CR1L: variants seen among roughly 807,000 people sequenced by gnomAD.
The protein encoded by CR1L is complement component receptor 1-like protein.
CR1L carries 59 observed loss-of-function variants against 62.3 expected under a neutral mutation model. That is an observed-to-expected ratio of 0.95 (90% CI 0.77 to 1.18). The LOEUF (loss-of-function observed/expected upper bound fraction) is 1.18. Among genes scored for constraint, CR1L ranks in the 50% most tolerant of loss-of-function variants. The pLI, the probability that CR1L is intolerant of heterozygous loss-of-function variation, is 0.00. For missense variants in CR1L, 700 were observed against 702.8 expected (o/e 1.00, Z 0.04); for synonymous variants, 279 against 248.7 (o/e 1.12, Z -1.15).
chr1:207,710,868 G>C, intron 10 of CR1L: 1 of 1,318,524 alleles, frequency 7.6e-7, no homozygotes, highest in Non-Finnish European at 1.1e-6. Context: ...TTTAGGGGGA[G>C]GGATGTATGT....
intron 1 of CR1L, among the ~76,000 whole-genome samples, chr1:207,675,209 G>A (rs1042955548): frequency 1.3e-5 from 2 of 152,078 alleles, no homozygotes; most frequent in African/African-American, 2.4e-5. Context: ...AAATTAAAAA[G>A]CACAAATTGC....
At chr1:207,720,898 C>T (rs1654121171) in intron 11 of CR1L, among the ~76,000 whole-genome samples, 1 of 152,214 alleles carries the variant, frequency 6.6e-6, no homozygotes, top group Non-Finnish European at 1.5e-5. Context: ...CAACTGCTTT[C>T]CTAGAGCCTA....
At chr1:207,710,458 A>C (rs1480528219) in intron 10 of CR1L, 1 of 1,592,818 alleles carries the variant, frequency 6.3e-7, no homozygotes, top group African/African-American at 1.3e-5. Context: ...TTCACTATGG[A>C]TCAGTGGTGA....
chr1:207,645,782 G>T (rs1022619773), intron 1 of CR1L, among the ~76,000 whole-genome samples: 6 of 152,182 alleles, frequency 3.9e-5, no homozygotes, highest in African/African-American at 1.4e-4. Flanking sequence ...GGCTTGGACA[G>T]TACCCGCGGT....
chr1:207,666,588 A>G (rs1663527114), intron 1 of CR1L, among the ~76,000 whole-genome samples: 1 of 152,210 alleles, frequency 6.6e-6, no homozygotes, highest in African/African-American at 2.4e-5. Context: ...ATCCATTGCA[A>G]ACTAACGCAG....
intron 9 of CR1L, 92 bp downstream of exon 9, chr1:207,701,710 C>T: frequency 6.5e-7 from 1 of 1,530,346 alleles, no homozygotes. Flanking sequence ...AGGCTGTTGC[C>T]ACCTGCTCTT....
chr1:207,689,153 CCTTTA>C (rs1210046096), intron 4 of CR1L, among the ~76,000 whole-genome samples: 1 of 152,002 alleles, frequency 6.6e-6, no homozygotes, highest in African/African-American at 2.4e-5. Context: ...AGGAAACTCC[CCTTTA>C]CTTCTGATTG....
chr1:207,652,750 C>CTTTTTTTTTTTTTT (rs59228006), intron 1 of CR1L: 1 of 626,714 alleles, frequency 1.6e-6, no homozygotes, highest in Non-Finnish European at 2.9e-6. Flanking sequence ...ATAAACTAGC[C>CTTTTTTTTTTTTTT]TTTTTTTTTT....
intron 1 of CR1L, among the ~76,000 whole-genome samples, chr1:207,666,504 T>C (rs1018826875): frequency 1.3e-5 from 2 of 152,172 alleles, no homozygotes; most frequent in Non-Finnish European, 2.9e-5. Context: ...ATATCCACCA[T>C]GGAATACTAT....
intron 9 of CR1L, among the ~76,000 whole-genome samples, chr1:207,704,618 A>G (rs1664242984): frequency 6.6e-6 from 1 of 152,244 alleles, no homozygotes; most frequent in African/African-American, 2.4e-5. Context: ...GCTTTCAGCA[A>G]CCACCACCCT....
intron 11 of CR1L, among the ~76,000 whole-genome samples, chr1:207,717,933 G>A (rs1654042735): frequency 6.6e-6 from 1 of 152,176 alleles, no homozygotes; most frequent in South Asian, 2.1e-4. Context: ...AGGGTGGACA[G>A]TGAAGAGAAT....
chr1:207,716,759 A>G (rs1198234252), intron 10 of CR1L, among the ~76,000 whole-genome samples: 1 of 152,244 alleles, frequency 6.6e-6, no homozygotes, highest in African/African-American at 2.4e-5. Context: ...TAAGTCTTTT[A>G]TGTACACATA....
chr1:207,652,643 A>G, intron 1 of CR1L: 1 of 1,196,630 alleles, frequency 8.4e-7, no homozygotes, highest in East Asian at 2.3e-5. Context: ...TATAAGTGTA[A>G]AAAAGGACAC....
chr1:207,721,474 G>C (rs887765889), intron 11 of CR1L, among the ~76,000 whole-genome samples: 3 of 151,244 alleles, frequency 2.0e-5, no homozygotes, highest in African/African-American at 7.3e-5. Flanking sequence ...AGTTTACTGA[G>C]AATGATGTTT....
chr1:207,713,371 T>A (rs1664392723), intron 10 of CR1L, among the ~76,000 whole-genome samples: 1 of 152,250 alleles, frequency 6.6e-6, no homozygotes, highest in Non-Finnish European at 1.5e-5. Context: ...AATAACTATG[T>A]TTTAACCCAA....
At chr1:207,699,150 C>A in intron 7 of CR1L, 39 bp from the exon 8 acceptor site, 1 of 1,612,568 alleles carries the variant, frequency 6.2e-7, no homozygotes. Context: ...GTCCTCTTGG[C>A]TGAAACAGCT....
At chr1:207,676,295 CA>C (rs1380001309) in intron 1 of CR1L, among the ~76,000 whole-genome samples, 1 of 152,068 alleles carries the variant, frequency 6.6e-6, no homozygotes, top group Non-Finnish European at 1.5e-5. Flanking sequence ...TGTTTTAAAG[CA>C]GGTGTCCTCA....
intron 10 of CR1L, chr1:207,715,341 A>G (rs773113271): frequency 1.9e-6 from 3 of 1,597,604 alleles, no homozygotes; most frequent in Non-Finnish European, 2.6e-6. Context: ...TCTGCTAGTC[A>G]TTGTGTCTTG....
intron 10 of CR1L, chr1:207,710,655 G>A: frequency 1.9e-6 from 3 of 1,610,058 alleles, no homozygotes; most frequent in Non-Finnish European, 2.5e-6. Context: ...GACAACAGAA[G>A]CTTATTTTCC....
Sources: gnomAD v4.1 joint callset for allele counts (sites outside exome capture counted in the v4.1 genomes callset) on GRCh38, gnomAD v4.1.1 for gene constraint, MANE v1.5 for transcripts, NCBI Gene and HGNC (gene_info 2026-07-23, HGNC 2026-07-21) for gene names.